GYS2: variants seen among roughly 807,000 people sequenced by gnomAD.
GYS2 encodes the protein glycogen synthase 2.
In GYS2, 80 loss-of-function variants were observed where a neutral mutation model predicts 85.6. The observed-to-expected ratio is 0.93, with a 90% CI of 0.78 to 1.13. GYS2 has a LOEUF of 1.13. GYS2 is among the 50% of genes most tolerant of loss of function. GYS2 has a pLI of 0.00. For synonymous variants in GYS2, 328 were observed against 300.7 expected (o/e 1.09, Z -0.94); for missense variants, 881 against 854.9 (o/e 1.03, Z -0.38).
chr12:21,555,060 G>T (rs1944162502), intron 11 of GYS2, among the ~76,000 whole-genome samples: 1 of 152,126 alleles, frequency 6.6e-6, no homozygotes, highest in South Asian at 2.1e-4. Flanking sequence ...GCAGCAGACA[G>T]ATCCTCAGAA....
intron 1 of GYS2, among the ~76,000 whole-genome samples, chr12:21,581,225 G>T (rs2219761): frequency 0.55 from 83,586 of 151,958 alleles, 24,182 homozygotes; most frequent in East Asian, 0.83. Flanking sequence ...CCCAATTTCT[G>T]CCTCCAAAGA....
chr12:21,560,417 G>A lies in GYS2; in HGVS notation c.1138C>T (p.Leu380=). ...TGTTTTCGCACTGCTTGTCCTTTCA[G>A]GGTTTCCACGTTGAAATTATTTGTC... is the stretch of plus-strand genomic sequence containing the variant. ...AKTNNFNVET[L]KGQAVRKQLW... Residue 380 remains leucine (L), a synonymous_variant, in exon 8 of 16, where the codon CTG becomes TTG. Transcript: ENST00000261195. 5 of 1,607,586 alleles carry A rather than the reference G, an allele frequency of 3.1e-6. No homozygotes were observed. Among genetic ancestry groups the A allele is most frequent in the Non-Finnish European group, 4.3e-6 (5 of 1,174,178 alleles).
chr12:21,545,524 GTTA>G (rs1263955006), intron 12 of GYS2, among the ~76,000 whole-genome samples: 2 of 152,188 alleles, frequency 1.3e-5, no homozygotes, highest in Non-Finnish European at 2.9e-5. Context: ...AGATGGAAAA[GTTA>G]TTGTTGTATT....
chr12:21,540,743 A>T (rs17849007), intron 13 of GYS2, among the ~76,000 whole-genome samples, 170 bp from the exon 14 acceptor site: 1 of 152,034 alleles, frequency 6.6e-6, no homozygotes, highest in African/African-American at 2.4e-5. Flanking sequence ...TTCCCTTCTA[A>T]TGGTTTACAA....
At chr12:21,583,619 G>T (rs1944538088) in intron 1 of GYS2, among the ~76,000 whole-genome samples, 1 of 152,216 alleles carries the variant, frequency 6.6e-6, no homozygotes, top group Non-Finnish European at 1.5e-5. Flanking sequence ...CACAGCGGAG[G>T]CCTCTAGGAT....
chr12:21,532,587 A>C (rs1345560231), downstream of GYS2: 1 of 152,216 alleles, frequency 6.6e-6, no homozygotes, highest in African/African-American at 2.4e-5. Flanking sequence ...TAGTGCTTAC[A>C]TCTGATTTAT....
intron 4 of GYS2, among the ~76,000 whole-genome samples, chr12:21,573,720 G>T (rs1407094776): frequency 1.3e-5 from 2 of 152,184 alleles, no homozygotes; most frequent in Admixed American, 1.3e-4. Context: ...GAGGATAGAA[G>T]AAATAGAGGA....
At chr12:21,565,252 G>A (rs76590334) in intron 5 of GYS2, among the ~76,000 whole-genome samples, 3,598 of 151,248 alleles carry the variant, frequency 0.024, 158 homozygotes, top group African/African-American at 0.082. Flanking sequence ...GAAAAAGAGA[G>A]AGAGAGATAG....
Position 21,541,268 on chromosome 12 carries a change from C to CAAAAAAAAAAAAAAA in GYS2, c.1646-710_1646-696dup, listed in dbSNP as rs3832848. On this transcript the variant is annotated intron_variant, in intron 13 of 15. Transcript: ENST00000261195. ...GGGCAACAGAGTGAGACCATGTTTC[C>CAAAAAAAAAAAAAAA]AAAAAAAAAAAAAAAAAAAAAAACA... Among the ~76,000 whole-genome samples, 2 of 46,330 alleles carry CAAAAAAAAAAAAAAA rather than the reference C, an allele frequency of 4.3e-5. 1 individual carries two copies. Among genetic ancestry groups the CAAAAAAAAAAAAAAA allele is most frequent in the Non-Finnish European group, 7.5e-5 (2 of 26,656 alleles). The allele number at this position is 46,330 out of a possible 152,430, so 30.4% of individuals were successfully genotyped here.
intron 11 of GYS2, among the ~76,000 whole-genome samples, chr12:21,554,645 C>T (rs576723429): frequency 1.3e-5 from 2 of 152,218 alleles, no homozygotes; most frequent in South Asian, 2.1e-4. Context: ...AGGAAACAAC[C>T]GTTCCTGTCT....
At chr12:21,594,482 GA>G (rs1304767243) in intron 1 of GYS2, among the ~76,000 whole-genome samples, 6 of 152,064 alleles carry the variant, frequency 3.9e-5, no homozygotes, top group Non-Finnish European at 8.8e-5. Context: ...AGGAAATTAA[GA>G]AGGCAATCCC....
intron 11 of GYS2, among the ~76,000 whole-genome samples, chr12:21,554,707 G>C (rs1191713550): frequency 6.6e-6 from 1 of 152,140 alleles, no homozygotes; most frequent in African/African-American, 2.4e-5. Flanking sequence ...ACGACTTTTA[G>C]GTTGGAACCC....
At chr12:21,535,266 C>CAA (rs3061533), downstream of GYS2, among the ~76,000 whole-genome samples, 151,409 of 152,342 alleles carry the variant, frequency 0.99, 75,249 homozygotes, top group East Asian at 1. Flanking sequence ...AGTTACCAAT[C>CAA]GAGTATCATT....
In GYS2 at chr12:21,536,956, A is replaced by T; in HGVS notation, c.2110T>A (p.Ter704ArgextTer11). ...TCTTCATGCAGCACATGTAGAATTC[A>T]GTTCTTATATTCACCATGCAGCTTT... ...KKKLHGEYKN[*>R] The change falls in exon 16 of 16, where the codon TGA (stop) becomes AGA (arginine). Residue 704 changes from the stop codon to arginine (R), a stop_lost. Transcript: ENST00000261195. The T allele has an allele frequency of 6.2e-7, 1 of 1,602,870 alleles. No individual in the cohort carries two copies. Among genetic ancestry groups the T allele is most frequent in the South Asian group, 1.1e-5 (1 of 90,868 alleles).
chr12:21,539,175 A>C lies in GYS2; in HGVS notation c.1890+83T>G, dbSNP rs1034020867. On this transcript the variant is annotated intron_variant, in intron 15 of 15. Coordinates refer to ENST00000261195, the MANE Select transcript of GYS2 (RefSeq NM_021957.4). ...TGAAAAAGTATCATAGCTTGTGTGC[A>C]TAGCTACTTCCAAATTTAAATGTAT... 10 of 804,024 alleles carry C rather than the reference A, an allele frequency of 1.2e-5. No individual in the cohort carries two copies. The Middle Eastern group carries it at 1.1e-3, about 86-fold the overall frequency. The allele number at this position is 804,024 out of a possible 1,614,324, so 49.8% of individuals were successfully genotyped here.
chr12:21,542,907 T>C (rs1464343379), intron 12 of GYS2, among the ~76,000 whole-genome samples: 1 of 152,230 alleles, frequency 6.6e-6, no homozygotes, highest in Non-Finnish European at 1.5e-5. Context: ...AGAACCCTTG[T>C]GCGGAACTGC....
At chr12:21,554,705 T>C (rs1944156918) in intron 11 of GYS2, among the ~76,000 whole-genome samples, 1 of 152,284 alleles carries the variant, frequency 6.6e-6, no homozygotes. Context: ...TAACGACTTT[T>C]AGGTTGGAAC....
At chr12:21,563,116 G>T in intron 6 of GYS2, 78 bp from the exon 7 acceptor site, 6 of 1,244,416 alleles carry the variant, frequency 4.8e-6, no homozygotes, top group Non-Finnish European at 7.1e-6. Flanking sequence ...TTCTGTTAAT[G>T]TACAAAGGGG....
chr12:21,600,657 T>C (rs1056250054), intron 1 of GYS2, among the ~76,000 whole-genome samples: 3 of 152,144 alleles, frequency 2.0e-5, no homozygotes, highest in Non-Finnish European at 4.4e-5. Context: ...TTCAGGAAGC[T>C]GATGGAAGTG....
Sources: gnomAD v4.1 joint callset for allele counts (sites outside exome capture counted in the v4.1 genomes callset) on GRCh38, gnomAD v4.1.1 for gene constraint, MANE v1.5 for transcripts, NCBI Gene and HGNC (gene_info 2026-07-23, HGNC 2026-07-21) for gene names.